The following ACVR1B variants were observed in gnomAD, a reference collection of about 807,000 sequenced individuals.
The protein encoded by ACVR1B is activin receptor type-1B.
Under a neutral mutation model 55.6 loss-of-function variants are expected in ACVR1B, and 15 were observed. The observed-to-expected ratio is 0.27, with a 90% CI of 0.18 to 0.42. The LOEUF (loss-of-function observed/expected upper bound fraction) is 0.42, where lower values mean the gene tolerates loss of function less well. Among genes scored for constraint, ACVR1B ranks in the 10% least tolerant of loss-of-function variants. ACVR1B has a pLI of 1.00. For missense variants in ACVR1B, 359 were observed against 670.1 expected, an observed-to-expected ratio of 0.54 and a Z score of 5.13; for synonymous variants, 247 against 254.6, an observed-to-expected ratio of 0.97 and a Z score of 0.28.
chr12:51,984,706 G>A (rs971915387), intron 5 of ACVR1B, among the ~76,000 whole-genome samples: 1 of 152,218 alleles, frequency 6.6e-6, no homozygotes, highest in Admixed American at 6.5e-5. Flanking sequence ...AATGGCAGGT[G>A]TGATCCCTGA....
chr12:51,968,467 T>G (rs888357988), intron 1 of ACVR1B, among the ~76,000 whole-genome samples: 1 of 152,194 alleles, frequency 6.6e-6, no homozygotes, highest in Admixed American at 6.5e-5. Flanking sequence ...TTGTGGCAAA[T>G]TGTATTTCCT....
chr12:51,982,882 A>G (rs977266977), intron 4 of ACVR1B: 3 of 1,365,206 alleles, frequency 2.2e-6, no homozygotes, highest in Admixed American at 3.1e-5. Context: ...GGATCAAATC[A>G]TGTCTTCTCT....
In ACVR1B at chr12:51,951,995, C is replaced by G. The variant is rs539295777; in HGVS notation, c.91+161C>G. Among the ~76,000 whole-genome samples, 9 of 151,954 alleles carry G rather than the reference C, an allele frequency of 5.9e-5. No homozygotes were observed. The South Asian group carries it at 1.5e-3, about 25-fold the overall frequency. Reference sequence around the variant, plus strand: ...TCGGGGTGACCCCCAGTCAGCTTCCCCGATCTCCGAGGCGCAGCCGCCCGG... The same window carrying G: ...TCGGGGTGACCCCCAGTCAGCTTCCGCGATCTCCGAGGCGCAGCCGCCCGG... On this transcript the variant is annotated intron_variant, in intron 1 of 8. Transcript: ENST00000257963.
Position 51,994,244 on chromosome 12 carries a change from CAG to C in ACVR1B, c.*137_*138del. The C allele has an allele frequency of 1.5e-6, 2 of 1,325,022 alleles. No homozygotes were observed. The highest frequency in any genetic ancestry group is 2.1e-6 in the Non-Finnish European group (2 of 970,408). The allele number at this position is 1,325,022 out of a possible 1,614,324, so 82.1% of individuals were successfully genotyped here. A position where few individuals can be genotyped will look rare whatever the true frequency, so the allele number is the denominator to read the frequency against. Reference sequence around the variant, plus strand: ...CAGGAGCCCTGGCCCGCAAGAGGGACAGAGCCCGGGAGAGACTCGCTCACTCC... The same window carrying C: ...CAGGAGCCCTGGCCCGCAAGAGGGACAGCCCGGGAGAGACTCGCTCACTCC... On this transcript the variant is annotated 3_prime_UTR_variant, in exon 9 of 9. Transcript: ENST00000257963. The surrounding 1 kb of genome is among the most constrained non-coding windows in gnomAD (Gnocchi z 4.2).
intron 6 of ACVR1B, 86 bp downstream of exon 6, chr12:51,985,434 A>T (rs887632850): frequency 6.8e-6 from 10 of 1,474,954 alleles, no homozygotes; most frequent in African/African-American, 1.4e-5. Flanking sequence ...CAGGAGAAGG[A>T]GGTGTTGAAA....
chr12:51,983,979 T>G lies in ACVR1B; in HGVS notation c.812-20T>G. 1.9e-6 allele frequency: 3 copies of G among 1,613,836 alleles called. No homozygotes were observed. The highest frequency in any genetic ancestry group is 2.5e-6 in the Non-Finnish European group (3 of 1,179,764). On this transcript the variant is annotated intron_variant, in intron 4 of 8. Transcript: ENST00000257963. ...CTGATAGTTACACTTTTTCTGGGAC[T>G]CATCTGTGGTTCTCTGCAGATAATG...
At chr12:51,987,265 G>C in intron 7 of ACVR1B, 1 of 615,686 alleles carries the variant, frequency 1.6e-6, no homozygotes, top group South Asian at 2.0e-5. Flanking sequence ...TCATGCAGTG[G>C]TCTCCTTCAC....
At chr12:51,970,165 G>C (rs1941720002) in intron 1 of ACVR1B, among the ~76,000 whole-genome samples, 1 of 152,294 alleles carries the variant, frequency 6.6e-6, no homozygotes, top group African/African-American at 2.4e-5. Flanking sequence ...TATTTGCAGG[G>C]TGCTGAATCT....
intron 1 of ACVR1B, among the ~76,000 whole-genome samples, chr12:51,966,216 T>C (rs1941638127): frequency 6.6e-6 from 1 of 152,210 alleles, no homozygotes; most frequent in Admixed American, 6.5e-5. Context: ...CCTCTAACTC[T>C]AGCTAATAGC....
At position 51,986,888 on chromosome 12, in the gene ACVR1B, A is replaced by G; in HGVS notation, c.1207A>G (p.Ile403Val). Residue 403 changes from isoleucine to valine, a missense_variant, in exon 7 of 9, where the codon ATT becomes GTT. Coordinates refer to ENST00000257963, the MANE Select transcript of ACVR1B (RefSeq NM_004302.5). ...KHFDSFKCAD[I>V]YALGLVYWEI... ...CTTTGACTCCTTTAAATGTGCTGAT[A>G]TTTATGCCCTCGGGCTTGTATATTG... 6.2e-7 allele frequency: 1 copy of G among 1,614,222 alleles called. No individual in the cohort carries two copies. The highest frequency in any genetic ancestry group is 8.5e-7 in the Non-Finnish European group (1 of 1,180,032).
chr12:51,993,820 C>T (rs908297272), intron 8 of ACVR1B, among the ~76,000 whole-genome samples, 165 bp from the exon 9 acceptor site: 1 of 102,828 alleles, frequency 9.7e-6, no homozygotes, highest in Admixed American at 1.3e-4. Context: ...AGCCAGGGAA[C>T]AAAGGGAGCC....
intron 5 of ACVR1B, 66 bp from the exon 6 acceptor site, chr12:51,985,126 G>C (rs1942052325): frequency 6.7e-7 from 1 of 1,500,572 alleles, no homozygotes; most frequent in African/African-American, 1.4e-5. Flanking sequence ...CAGTCTGGCT[G>C]CATAGTCTAT....
At chr12:51,977,593 A>G (rs1261429588) in intron 3 of ACVR1B, among the ~76,000 whole-genome samples, 3 of 148,726 alleles carry the variant, frequency 2.0e-5, no homozygotes, top group African/African-American at 7.5e-5. Context: ...TTTTGTGACA[A>G]TGGTATTGCA....
rs1942251385 is a variant in ACVR1B at position 51,994,091 on chromosome 12, A to T, written c.1499A>T (p.Gln500Leu). The T allele has an allele frequency of 1.2e-6, 2 of 1,613,766 alleles. No homozygotes were observed. The highest frequency in any genetic ancestry group is 1.3e-5 in the African/African-American group (1 of 74,958). Residue 500 changes from glutamine (Q) to leucine (L), a missense_variant, in exon 9 of 9, where the codon CAG becomes CTG. Around this residue, in one of 5 missense-constraint regions of ACVR1B, gnomAD observed 53 missense variants for 78.5 expected, o/e 0.68. Coordinates refer to ENST00000257963, the MANE Select transcript of ACVR1B (RefSeq NM_004302.5). The surrounding 1 kb of genome is among the most constrained non-coding windows in gnomAD (Gnocchi z 4.2). ...IKKTLSQLSV[Q>L]EDVKI ...AAGACCCTCTCCCAGCTCAGCGTGC[A>T]GGAAGACGTGAAGATCTAACTGCTC...
intron 1 of ACVR1B, among the ~76,000 whole-genome samples, chr12:51,956,450 C>G (rs1003807893): frequency 1.2e-4 from 18 of 152,168 alleles, no homozygotes; most frequent in Non-Finnish European, 2.1e-4. Context: ...CTTATAATTG[C>G]AATGGCTTAG....
chr12:51,960,415 C>T (rs1941496100), intron 1 of ACVR1B, among the ~76,000 whole-genome samples: 2 of 151,828 alleles, frequency 1.3e-5, no homozygotes, highest in Non-Finnish European at 2.9e-5. Flanking sequence ...GAGTGAGATC[C>T]TGTCTCAAAA....
At chr12:51,968,477 T>C (rs1941684071) in intron 1 of ACVR1B, among the ~76,000 whole-genome samples, 1 of 152,234 alleles carries the variant, frequency 6.6e-6, no homozygotes, top group South Asian at 2.1e-4. Context: ...TTGTATTTCC[T>C]AAATGACTGC....
chr12:51,972,458 C>G (rs1941763449), intron 1 of ACVR1B, among the ~76,000 whole-genome samples: 1 of 152,194 alleles, frequency 6.6e-6, no homozygotes, highest in Admixed American at 6.5e-5. Flanking sequence ...CAGTTACATA[C>G]TGTACAGGTT....
At chr12:51,979,522 G>A (rs1164891325) in intron 3 of ACVR1B, among the ~76,000 whole-genome samples, 3 of 151,036 alleles carry the variant, frequency 2.0e-5, no homozygotes, top group African/African-American at 4.9e-5. Flanking sequence ...TAAGAGAGGC[G>A]AGAGGGCAAA....
Sources: gnomAD v4.1 joint callset for allele counts (sites outside exome capture counted in the v4.1 genomes callset) on GRCh38, gnomAD v4.1.1 for gene constraint, gnomAD v4.1.1 regional missense constraint, Gnocchi (gnomAD v3.1) non-coding constraint, MANE v1.5 for transcripts, NCBI Gene and HGNC (gene_info 2026-07-23, HGNC 2026-07-21) for gene names.